INTS6: variants seen among roughly 807,000 people sequenced by gnomAD.
The protein encoded by INTS6 is integrator complex subunit 6, also known as DEAD box protein.
INTS6 carries 16 observed loss-of-function variants against 104.9 expected under a neutral mutation model. The observed-to-expected ratio is 0.15, with a 90% CI of 0.10 to 0.23. The LOEUF is 0.23. Among genes scored for constraint, INTS6 ranks in the 10% least tolerant of loss-of-function variants. INTS6 has a pLI of 1.00. For synonymous variants in INTS6, 324 were observed against 358.7 expected (o/e 0.90, Z 1.09); for missense variants, 584 against 1,062.8 (o/e 0.55, Z 6.26).
In INTS6 at chr13:51,375,730, AGTGGGTGTGT is replaced by A. The variant is rs199516276; in HGVS notation, c.1729+308_1729+317del. On this transcript the variant is annotated intron_variant, in intron 13 of 17. Transcript: ENST00000311234. ...CTTATTTTAAGTATACAGTTTGATA[AGTGGGTGTGT>A]GTGTGTGTGTGTGTGTGTGTGTGTG... Among the ~76,000 whole-genome samples, 808 of 126,874 alleles carry A rather than the reference AGTGGGTGTGT, an allele frequency of 6.4e-3. 16 individuals are homozygous for A. In the East Asian group the frequency reaches 0.072, roughly 11 times the overall value. The allele number at this position is 126,874 out of a possible 152,430, so 83.2% of individuals were successfully genotyped here. A position where few individuals can be genotyped will look rare whatever the true frequency, so the allele number is the denominator to read the frequency against.
rs371860206 is a variant in INTS6 at position 51,369,299 on chromosome 13, T to C, written c.2116A>G (p.Thr706Ala). 1.9e-6 allele frequency: 3 copies of C among 1,600,116 alleles called. No individual in the cohort carries two copies. The highest frequency in any genetic ancestry group is 2.7e-5 in the African/African-American group (2 of 74,448). The change falls in exon 16 of 18, where the codon ACT becomes GCT. Residue 706 changes from threonine (T) to alanine (A), a missense_variant. Thr to Ala is a moderately conservative substitution (Grantham distance 58). Around this residue, in one of 5 missense-constraint regions of INTS6, gnomAD observed 296 missense variants for 437.0 expected, o/e 0.68. Transcript: ENST00000311234. ...ACATCATGTATTATCGAATCATTAG[T>C]GGTTTCTGAAACTAAAAACAAAGAT... is the stretch of plus-strand genomic sequence containing the variant. ...PLPLHKISET[T>A]NDSIIHDVVE...
intron 3 of INTS6, chr13:51,440,979 CT>C (rs1410261487): frequency 6.6e-6 from 1 of 152,184 alleles, no homozygotes; most frequent in Non-Finnish European, 1.5e-5. Flanking sequence ...TACCGTAATA[CT>C]GGAGATGATG....
At chr13:51,342,933 C>T in the INTS6 span, among the ~76,000 whole-genome samples, 1 of 152,132 alleles carries the variant, frequency 6.6e-6, no homozygotes, top group African/African-American at 2.4e-5. Flanking sequence ...CAGTCTTTTG[C>T]AATTGTGGAT....
At chr13:51,440,977 T>C (rs1593771548) in intron 3 of INTS6, 1 of 152,222 alleles carries the variant, frequency 6.6e-6, no homozygotes, top group African/African-American at 2.4e-5. Context: ...TTTACCGTAA[T>C]ACTGGAGATG....
chr13:51,375,734 G>GGGGTGT (rs1555283831), intron 13 of INTS6, among the ~76,000 whole-genome samples: 10 of 147,560 alleles, frequency 6.8e-5, no homozygotes, highest in African/African-American at 2.0e-4. Context: ...TTGATAAGTG[G>GGGGTGT]GTGTGTGTGT....
chr13:51,442,141 A>ATTT (rs59665801), intron 3 of INTS6: 1,386 of 133,630 alleles, frequency 0.01, 29 homozygotes, highest in African/African-American at 0.037. Flanking sequence ...TTTGACCATG[A>ATTT]TTTTTTTTTT....
intron 4 of INTS6, among the ~76,000 whole-genome samples, chr13:51,429,785 A>AAAAAAAAAAATATAT (rs1156333077): frequency 4.3e-5 from 4 of 92,360 alleles, no homozygotes; most frequent in African/African-American, 1.8e-4. Context: ...AAAAAAAAAA[A>AAAAAAAAAAATATAT]ATATATATAT....
rs747220158 is a variant in INTS6, at chr13:51,369,164, G to A, written c.2251C>T (p.His751Tyr). ...PASLLERPTN[H>Y]MEALGHDHLG... ...TGGTCATGACCAAGAGCCTCCATAT[G>A]ATTGGTTGGCCGTTCCAGTAAACTG... is the stretch of plus-strand genomic sequence containing the variant. Residue 751 changes from histidine to tyrosine, a missense_variant, in exon 16 of 18, where the codon CAT becomes TAT. Physicochemically the swap from His to Tyr is moderately conservative, Grantham distance 83. This residue lies in a region of INTS6 where 296 missense variants were observed against 437.0 expected (regional missense o/e 0.68). Transcript: ENST00000311234. 2.5e-6 allele frequency: 4 copies of A among 1,613,882 alleles called. No homozygotes were observed. Among genetic ancestry groups the A allele is most frequent in the Non-Finnish European group, 8.5e-7 (1 of 1,179,856 alleles).
At chr13:51,335,997 A>C in the INTS6 span, 2 of 152,224 alleles carry the variant, frequency 1.3e-5, no homozygotes, top group African/African-American at 2.4e-5. Context: ...ATGTGGCATG[A>C]ACTGAGGAGG....
intron 4 of INTS6, among the ~76,000 whole-genome samples, chr13:51,396,897 T>C (rs1182834086): frequency 6.6e-6 from 1 of 152,190 alleles, no homozygotes; most frequent in Non-Finnish European, 1.5e-5. Context: ...TTCAAGATTA[T>C]ATTACTGGAA....
chr13:51,364,164 T>C lies in INTS6; in HGVS notation c.*1588A>G. 2 of 687,162 alleles carry C rather than the reference T, an allele frequency of 2.9e-6. No individual in the cohort carries two copies. Among genetic ancestry groups the C allele is most frequent in the Admixed American group, 3.0e-5 (1 of 32,848 alleles). The allele number at this position is 687,162 out of a possible 1,614,324, so 42.6% of individuals were successfully genotyped here. The stretch of plus-strand genomic sequence containing the variant: ...ATCTTGCATTACTTAAAAGTATTTG[T>C]ATAGAAGTAAACAAAGCTTAAAGAA... On this transcript the variant is annotated 3_prime_UTR_variant, in exon 18 of 18. Coordinates refer to ENST00000311234, the MANE Select transcript of INTS6 (RefSeq NM_012141.3).
At chr13:51,434,060 A>T (rs1957143890) in intron 3 of INTS6, among the ~76,000 whole-genome samples, 1 of 152,192 alleles carries the variant, frequency 6.6e-6, no homozygotes, top group Non-Finnish European at 1.5e-5. Context: ...GCAGCTGCTA[A>T]ATTCTCTTGG....
chr13:51,349,309 T>C (rs547520388), downstream of INTS6, among the ~76,000 whole-genome samples: 128 of 152,204 alleles, frequency 8.4e-4, no homozygotes, highest in Middle Eastern at 3.4e-3. Context: ...AGAGACCCAG[T>C]AAGTTAAGGG....
rs1451420947 is a variant in INTS6 at position 51,451,139 on chromosome 13, A to T, written c.225T>A (p.Asn75Lys). 1 of 1,570,342 alleles carries T rather than the reference A, an allele frequency of 6.4e-7. No individual in the cohort carries two copies. The highest frequency in any genetic ancestry group is 1.2e-5 in the South Asian group (1 of 80,482). The part of the protein sequence containing the change: ...GWKENHATFM[N>K]ELKNLQAEGL... ...CTTCAGCCTGAAGGTTTTTCAATTC[A>T]TTCATAAACGTTGCATGGTTTTCTT... The change falls in exon 3 of 18, where the codon AAT becomes AAA. Residue 75 changes from asparagine (N) to lysine (K), a missense_variant. Physicochemically the swap from Asn to Lys is moderately conservative, Grantham distance 94 (BLOSUM62 0). Coordinates refer to ENST00000311234, the MANE Select transcript of INTS6 (RefSeq NM_012141.3).
intron 7 of INTS6, among the ~76,000 whole-genome samples, chr13:51,385,518 T>C (rs915244402): frequency 1.3e-5 from 2 of 151,410 alleles, no homozygotes; most frequent in South Asian, 2.1e-4. Context: ...CAAGAAAATT[T>C]TGCATATATG....
At chr13:51,341,114 T>C in the INTS6 span, 2 of 1,613,962 alleles carry the variant, frequency 1.2e-6, no homozygotes, top group Non-Finnish European at 1.7e-6. Context: ...CTGATCACCC[T>C]CTTCCTCTTT....
the INTS6 span, among the ~76,000 whole-genome samples, chr13:51,346,348 G>A: frequency 3.3e-5 from 5 of 152,224 alleles, no homozygotes; most frequent in Admixed American, 3.3e-4. Flanking sequence ...CAATGTGCAG[G>A]ATCTCCCATC....
At chr13:51,437,777 G>A (rs1441747911) in intron 3 of INTS6, 1 of 152,254 alleles carries the variant, frequency 6.6e-6, no homozygotes, top group African/African-American at 2.4e-5. Flanking sequence ...GGGAGGCTGA[G>A]GCAGAAGGAT....
At chr13:51,345,341 CA>C in the INTS6 span, among the ~76,000 whole-genome samples, 2 of 152,026 alleles carry the variant, frequency 1.3e-5, no homozygotes, top group African/African-American at 4.8e-5. Flanking sequence ...GGTTAAAAAG[CA>C]AAATAGGATT....
Sources: allele counts gnomAD v4.1 joint callset (sites outside exome capture counted in the v4.1 genomes callset), GRCh38; gene constraint gnomAD v4.1.1; regional missense constraint gnomAD v4.1.1; transcripts MANE v1.5; gene names NCBI Gene and HGNC (gene_info 2026-07-23, HGNC 2026-07-21).